NLRP7: variants seen among roughly 807,000 people sequenced by gnomAD.
NLRP7 encodes NACHT, LRR and PYD domains-containing protein 7.
NLRP7 carries 72 observed loss-of-function variants against 85.5 expected under a neutral mutation model. That is an observed-to-expected ratio of 0.84 (90% CI 0.70 to 1.02). The LOEUF is 1.02. NLRP7 is among the 50% of genes least tolerant of loss of function. The pLI, the probability that NLRP7 is intolerant of heterozygous loss-of-function variation, is 0.00. For synonymous variants in NLRP7, 550 were observed against 505.2 expected, an observed-to-expected ratio of 1.09 and a Z score of -1.19; for missense variants, 1,243 against 1,219.5, an observed-to-expected ratio of 1.02 and a Z score of -0.29.
chr19:54,936,153 T>A (rs778664451), intron 6 of NLRP7, 108 bp downstream of exon 6: 6 of 951,242 alleles, frequency 6.3e-6, no homozygotes, highest in African/African-American at 1.6e-5. Flanking sequence ...AGGAATACAT[T>A]CCCTGTCTGG....
At chr19:54,943,688 A>G (rs1569541326) in intron 1 of NLRP7, among the ~76,000 whole-genome samples, 1 of 152,198 alleles carries the variant, frequency 6.6e-6, no homozygotes, top group African/African-American at 2.4e-5. Flanking sequence ...AGAGGTGGAC[A>G]GCTTTACCCT....
chr19:54,938,008 T>G, intron 5 of NLRP7, 36 bp downstream of exon 5: 1 of 1,522,372 alleles, frequency 6.6e-7, no homozygotes, highest in Non-Finnish European at 9.1e-7. Context: ...TTAGTCATCG[T>G]TCAGGGTCTT....
In NLRP7 at chr19:54,940,971, C is replaced by T. The variant is rs1204844599; in HGVS notation, c.312G>A (p.Glu104=). 1.9e-6 allele frequency: 3 copies of T among 1,613,028 alleles called. No individual in the cohort carries two copies. The East Asian group carries it at 6.7e-5, about 36-fold the overall frequency. The change falls in exon 3 of 10, where the codon GAG becomes GAA. Residue 104 remains glutamate (E), a synonymous_variant. Coordinates refer to ENST00000340844, the Ensembl canonical transcript of NLRP7. ...CCGAGTCTTCTTCTGCATCTCCCAG[C>T]TCAGGATTATCTATTTCTTGCACCT... is the stretch of plus-strand genomic sequence containing the variant.
intron 1 of NLRP7, among the ~76,000 whole-genome samples, chr19:54,962,267 A>C (rs2070068829): frequency 7.2e-6 from 1 of 138,766 alleles, no homozygotes. Context: ...TCCATCCCTC[A>C]ATTTTTTTTT....
At chr19:54,963,486 G>A (rs144533868) in intron 1 of NLRP7, among the ~76,000 whole-genome samples, 2,245 of 151,972 alleles carry the variant, frequency 0.015, 54 homozygotes, top group African/African-American at 0.051. Context: ...TCAAGAGTTT[G>A]AGACCAGCCT....
At chr19:54,931,101 A>G (rs1027991672) in intron 8 of NLRP7, among the ~76,000 whole-genome samples, 8 of 152,174 alleles carry the variant, frequency 5.3e-5, no homozygotes, top group African/African-American at 9.6e-5. Context: ...AACTGGAGCT[A>G]TATACTTCCA....
At chr19:54,933,508 C>G (rs569227413) in intron 8 of NLRP7, 61 bp downstream of exon 8, 448 of 1,582,140 alleles carry the variant, frequency 2.8e-4, no homozygotes, top group Admixed American at 5.7e-4. Context: ...TTAACAAGTA[C>G]TTTCATGTCT....
At chr19:54,935,381 G>C (rs1031077741) in intron 6 of NLRP7, among the ~76,000 whole-genome samples, 3 of 151,996 alleles carry the variant, frequency 2.0e-5, no homozygotes, top group Non-Finnish European at 4.4e-5. Flanking sequence ...GGGGCAAATT[G>C]ATGCTTAATA....
intron 1 of NLRP7, among the ~76,000 whole-genome samples, chr19:54,955,968 A>AAAATAAAT (rs138037990): frequency 4.9e-4 from 75 of 151,812 alleles, no homozygotes; most frequent in Middle Eastern, 3.5e-3. Context: ...CTGTGTCTCA[A>AAAATAAAT]AAATAAATAA....
intron 9 of NLRP7, among the ~76,000 whole-genome samples, chr19:54,928,493 T>G (rs2146157610): frequency 6.6e-6 from 1 of 151,568 alleles, no homozygotes; most frequent in African/African-American, 2.4e-5. Context: ...GTCCTCAGAG[T>G]TTTTAGTGAC....
rs1191414342 is a variant in NLRP7, at chr19:54,924,165, G to A, written c.2811-293C>T. Among the ~76,000 whole-genome samples, 4 of 152,034 alleles carry A rather than the reference G, an allele frequency of 2.6e-5. No individual in the cohort carries two copies. In the East Asian group the frequency reaches 7.7e-4, roughly 29 times the overall value. ...GTATTTACAGTAGAGATGGGGTTTC[G>A]ACATGTTAGCCAGGCTGGTCTCGAA... On this transcript the variant is annotated intron_variant, in intron 9 of 9. Transcript: ENST00000340844.
exon 4 of NLRP7, chr19:54,939,895 G>A (rs377224552): frequency 6.2e-7 from 1 of 1,614,020 alleles, no homozygotes; most frequent in Non-Finnish European, 8.5e-7. Flanking sequence ...GGAGCTGGAG[G>A]TCCCTCAGTG....
In NLRP7 at chr19:54,936,406, C is replaced by T. The variant is rs764145628; in HGVS notation, c.2155G>A (p.Ala719Thr). The change falls in exon 6 of 10, where the codon GCG becomes ACG. Residue 719 changes from alanine (A) to threonine (T), a missense_variant. Ala to Thr is a moderately conservative substitution (Grantham distance 58). Around this residue, in one of 3 missense-constraint regions of NLRP7, gnomAD observed 613 missense variants for 588.4 expected, o/e 1.04. Transcript: ENST00000340844. ...AAAGCAAGACAGAAGTCCCGGTACG[C>T]GGTGTCAGGGGTGACGTTTTTAATC... The T allele has an allele frequency of 5.8e-5, 93 of 1,613,932 alleles. No individual in the cohort carries two copies. Among genetic ancestry groups the T allele is most frequent in the Non-Finnish European group, 6.4e-5 (76 of 1,179,972 alleles).
chr19:54,928,195 G>A (rs1317335813), intron 9 of NLRP7, among the ~76,000 whole-genome samples: 2 of 152,108 alleles, frequency 1.3e-5, no homozygotes, highest in Admixed American at 6.6e-5. Flanking sequence ...ACTCCAGCCT[G>A]GGCAATAGAA....
chr19:54,933,128 G>GT (rs1394654286), intron 8 of NLRP7, among the ~76,000 whole-genome samples: 2 of 151,688 alleles, frequency 1.3e-5, no homozygotes, highest in East Asian at 3.9e-4. Flanking sequence ...GTTTCTACCT[G>GT]TATCTGCCTG....
chr19:54,942,583 G>GT (rs1556732846), intron 1 of NLRP7, among the ~76,000 whole-genome samples: 7 of 151,596 alleles, frequency 4.6e-5, no homozygotes, highest in South Asian at 2.1e-4. Flanking sequence ...AATTACAGGC[G>GT]GGTGCCTGTA....
At chr19:54,926,777 G>A (rs1407002254) in intron 9 of NLRP7, among the ~76,000 whole-genome samples, 1 of 151,794 alleles carries the variant, frequency 6.6e-6, no homozygotes, top group Admixed American at 6.6e-5. Flanking sequence ...TTAGCTGGGT[G>A]TGGTGGCGAG....
At chr19:54,954,152 A>C (rs1257264694) in intron 1 of NLRP7, among the ~76,000 whole-genome samples, 1 of 149,388 alleles carries the variant, frequency 6.7e-6, no homozygotes, top group East Asian at 1.9e-4. Context: ...TGGCAATGTC[A>C]GGAAGTTACC....
chr19:54,937,839 GTGAGC>G (rs1177169706), intron 5 of NLRP7, among the ~76,000 whole-genome samples, 200 bp downstream of exon 5: 1 of 141,916 alleles, frequency 7.0e-6, no homozygotes, highest in Non-Finnish European at 1.5e-5. Flanking sequence ...GGAGGATGCA[GTGAGC>G]TGAGATCGCG....
Sources: gnomAD v4.1 joint callset for allele counts (sites outside exome capture counted in the v4.1 genomes callset) on GRCh38, gnomAD v4.1.1 for gene constraint, gnomAD v4.1.1 regional missense constraint, MANE v1.5 for transcripts, NCBI Gene and HGNC (gene_info 2026-07-23, HGNC 2026-07-21) for gene names.